Variants in CBFA2T3 observed in about 807,000 individuals in gnomAD.
CBFA2T3 encodes transcriptional corepressor CBFA2T3.
In CBFA2T3, 31 loss-of-function variants were observed where a neutral mutation model predicts 58.6. The observed-to-expected ratio is 0.53, with a 90% CI of 0.40 to 0.71. The LOEUF (loss-of-function observed/expected upper bound fraction) is 0.71. Among genes scored for constraint, CBFA2T3 ranks in the 30% least tolerant of loss-of-function variants. CBFA2T3 has a pLI of 0.00. For synonymous variants in CBFA2T3, 531 were observed against 421.9 expected, an observed-to-expected ratio of 1.26 and a Z score of -3.17; for missense variants, 1,076 against 963.1, an observed-to-expected ratio of 1.12 and a Z score of -1.55.
At chr16:88,963,716 C>T (rs970663879) in intron 1 of CBFA2T3, among the ~76,000 whole-genome samples, 20 of 152,228 alleles carry the variant, frequency 1.3e-4, no homozygotes, top group African/African-American at 3.6e-4. Flanking sequence ...TAGATTTTAG[C>T]GGCGTCATGC....
At chr16:88,965,483 T>C (rs1188671874) in intron 1 of CBFA2T3, among the ~76,000 whole-genome samples, 1 of 152,188 alleles carries the variant, frequency 6.6e-6, no homozygotes, top group Non-Finnish European at 1.5e-5. Flanking sequence ...GGATACTTGG[T>C]GCGCAGCGCC....
chr16:88,934,189 C>T (rs1646232), intron 1 of CBFA2T3, among the ~76,000 whole-genome samples: 3,536 of 133,220 alleles, frequency 0.027, 91 homozygotes, highest in African/African-American at 0.096. Flanking sequence ...GGCTGCCCCA[C>T]GCCCCTCGGC....
chr16:88,926,499 C>T (rs1054234642), intron 1 of CBFA2T3, among the ~76,000 whole-genome samples: 3 of 152,178 alleles, frequency 2.0e-5, no homozygotes, highest in Admixed American at 6.5e-5. Flanking sequence ...CTCTCCTGCT[C>T]GGGGCCAGTC....
intron 1 of CBFA2T3, among the ~76,000 whole-genome samples, chr16:88,961,970 T>G (rs562704628): frequency 1.6e-4 from 24 of 149,102 alleles, no homozygotes; most frequent in African/African-American, 5.9e-4. Flanking sequence ...TCCCACTGCA[T>G]AGTAACCGAC....
intron 3 of CBFA2T3, among the ~76,000 whole-genome samples, chr16:88,897,533 T>G (rs1567590135): frequency 6.6e-6 from 1 of 152,260 alleles, no homozygotes; most frequent in African/African-American, 2.4e-5. Flanking sequence ...GACTCAAGTC[T>G]GCTGAGCTCT....
At position 88,881,300 on chromosome 16, in the gene CBFA2T3, G is replaced by A. The variant is rs1159531107; in HGVS notation, c.1393C>T (p.Pro465Ser). The A allele has an allele frequency of 6.3e-6, 10 of 1,592,302 alleles. No individual in the cohort carries two copies. The African/African-American group carries it at 6.7e-5, about 11-fold the overall frequency. The change falls in exon 9 of 12, where the codon CCT (proline) becomes TCT (serine). Residue 465 changes from proline to serine, a missense_variant. Coordinates refer to ENST00000268679, the MANE Select transcript of CBFA2T3 (RefSeq NM_005187.6). ...CACACCCCACACGCACCTAGCTGAGGCCCTTCGGGACCGGCGGAGCTGCTG... is the reference window on the plus strand; with the variant it reads ...CACACCCCACACGCACCTAGCTGAGACCCTTCGGGACCGGCGGAGCTGCTG... ...PRSSSAGPEG[P>S]QLDVPREFLP...
chr16:88,898,951 G>A (rs971137846), intron 2 of CBFA2T3, among the ~76,000 whole-genome samples: 3 of 152,222 alleles, frequency 2.0e-5, no homozygotes, highest in Non-Finnish European at 4.4e-5. Context: ...GACGGGTAGT[G>A]AGTTCTCTGT....
chr16:88,959,487 C>G (rs946104819), intron 1 of CBFA2T3, among the ~76,000 whole-genome samples: 1 of 152,190 alleles, frequency 6.6e-6, no homozygotes, highest in Non-Finnish European at 1.5e-5. Flanking sequence ...GCCTGCAGGT[C>G]TTGGACAGAG....
At position 88,878,588 on chromosome 16, in the gene CBFA2T3, G is replaced by A. The variant is rs77309741; in HGVS notation, c.1662+682C>T. Reference sequence around the variant, plus strand: ...CGTGTGCACCGGGAGGGAGCCGGGCGCCTCGGACGCCACCTGGGGCCCTCA... The same window carrying A: ...CGTGTGCACCGGGAGGGAGCCGGGCACCTCGGACGCCACCTGGGGCCCTCA... On this transcript the variant is annotated intron_variant, in intron 11 of 11. Coordinates refer to ENST00000268679, the MANE Select transcript of CBFA2T3 (RefSeq NM_005187.6). Among the ~76,000 whole-genome samples, 1,342 of 152,332 alleles carry A rather than the reference G, an allele frequency of 8.8e-3. 20 individuals are homozygous for A. Among genetic ancestry groups the A allele is most frequent in the African/African-American group, 0.03 (1,264 of 41,572 alleles).
intron 10 of CBFA2T3, among the ~76,000 whole-genome samples, chr16:88,880,298 TC>T (rs1366197167): frequency 4.1e-4 from 62 of 151,116 alleles, no homozygotes; most frequent in African/African-American, 1.5e-3. Context: ...CCCCAGCCCC[TC>T]CCCCAAGGCT....
chr16:88,922,147 TG>T (rs1970942695), intron 1 of CBFA2T3, among the ~76,000 whole-genome samples: 1 of 152,172 alleles, frequency 6.6e-6, no homozygotes. Context: ...ACACTTTGGG[TG>T]GGGGTACTTC....
rs1421415334 is a variant in CBFA2T3 at position 88,953,448 on chromosome 16, G to A, written c.151+23209C>T. Among the ~76,000 whole-genome samples, 1 of 152,180 alleles carries A rather than the reference G, an allele frequency of 6.6e-6. No homozygotes were observed. The highest frequency in any genetic ancestry group is 1.5e-5 in the Non-Finnish European group (1 of 68,012). On this transcript the variant is annotated intron_variant, in intron 1 of 11. Coordinates refer to ENST00000268679, the MANE Select transcript of CBFA2T3 (RefSeq NM_005187.6). The surrounding 1 kb of genome is among the most constrained non-coding windows in gnomAD (Gnocchi z 4.9). The stretch of plus-strand genomic sequence containing the variant: ...CAGAGGCCAGCATAGCCCTCAAAAC[G>A]GTTCCCACAGCTCCCAGCGGAGCCC...
intron 1 of CBFA2T3, among the ~76,000 whole-genome samples, chr16:88,906,124 C>T (rs567145174): frequency 3.2e-4 from 48 of 152,242 alleles, no homozygotes; most frequent in African/African-American, 1.1e-3. Context: ...CCTCCTCTAT[C>T]CCTGCACCCC....
intron 1 of CBFA2T3, chr16:88,937,268 C>G (rs993151775): frequency 5.3e-5 from 8 of 152,252 alleles, no homozygotes; most frequent in Non-Finnish European, 8.8e-5. Flanking sequence ...AGAGACTGAG[C>G]CACGAGGTGG....
intron 2 of CBFA2T3, among the ~76,000 whole-genome samples, chr16:88,901,156 G>A (rs1458936002): frequency 3.9e-5 from 6 of 152,270 alleles, no homozygotes; most frequent in Non-Finnish European, 5.9e-5. Flanking sequence ...CCTGCCGGAC[G>A]AGGCAGGAAG....
Position 88,918,775 on chromosome 16 carries a change from C to CCT in CBFA2T3, c.152-17120_152-17119insAG, listed in dbSNP as rs139441317. ...CACCCACATGGCCCAGCCCGGCCTC[C>CCT]CACGGCAGGGGGTGCCGAGAACCTT... On this transcript the variant is annotated intron_variant, in intron 1 of 11. Transcript: ENST00000268679. Among the ~76,000 whole-genome samples the CCT allele has an allele frequency of 3.1e-3, 478 of 152,340 alleles. 4 individuals carry two copies. Among genetic ancestry groups the CCT allele is most frequent in the African/African-American group, 0.011 (465 of 41,570 alleles).
chr16:88,962,336 A>G (rs191452448), intron 1 of CBFA2T3, among the ~76,000 whole-genome samples: 21 of 152,386 alleles, frequency 1.4e-4, no homozygotes, highest in Non-Finnish European at 2.9e-5. Flanking sequence ...AAAAGCATCA[A>G]TTGCCAATGG....
In CBFA2T3 at chr16:88,892,368, G is replaced by A; in HGVS notation, c.497C>T (p.Pro166Leu). 8 of 1,613,500 alleles carry A rather than the reference G, an allele frequency of 5.0e-6. No homozygotes were observed. Among genetic ancestry groups the A allele is most frequent in the African/African-American group, 1.3e-5 (1 of 75,044 alleles). The change falls in exon 4 of 12, where the codon CCC (proline) becomes CTC (leucine). Residue 166 changes from proline (P) to leucine (L), a missense_variant. Physicochemically the swap from Pro to Leu is moderately conservative, Grantham distance 98. Coordinates refer to ENST00000268679, the MANE Select transcript of CBFA2T3 (RefSeq NM_005187.6). ...STASLSTQHL[P>L]PACGARQLSK... is the part of the protein sequence containing the mutation. The stretch of plus-strand genomic sequence containing the variant: ...GAGCTGCCGGGCCCCGCAGGCTGGG[G>A]GCAGGTGCTGTGTGGACAAGGAGGC...
chr16:88,880,766 C>A lies in CBFA2T3; in HGVS notation c.1425G>T (p.Pro475=). 1.9e-6 allele frequency: 3 copies of A among 1,585,216 alleles called. No individual in the cohort carries two copies. Among genetic ancestry groups the A allele is most frequent in the Non-Finnish European group, 2.6e-6 (3 of 1,165,364 alleles). The change falls in exon 10 of 12, where the codon CCG becomes CCT. Residue 475 remains proline (P), a synonymous_variant. Coordinates refer to ENST00000268679, the MANE Select transcript of CBFA2T3 (RefSeq NM_005187.6). ...PQLDVPREFL[P]RTLTGYVPED... ...CAGGCACGTAGCCGGTGAGGGTCCT[C>A]GGCAGGAACTCGCGAGGCACGTCTG...
Sources: allele counts gnomAD v4.1 joint callset (sites outside exome capture counted in the v4.1 genomes callset), GRCh38; gene constraint gnomAD v4.1.1; non-coding constraint Gnocchi (gnomAD v3.1); transcripts MANE v1.5; gene names NCBI Gene and HGNC (gene_info 2026-07-23, HGNC 2026-07-21).